The following GMFB variants were observed in gnomAD, a reference collection of about 807,000 sequenced individuals.
GMFB encodes GMF-beta.
A neutral mutation model predicts 25.6 loss-of-function variants in GMFB; 13 were observed. The observed-to-expected ratio is 0.51, with a 90% CI of 0.33 to 0.81. GMFB has a LOEUF of 0.81. GMFB is among the 30% of genes least tolerant of loss of function. The pLI is 0.02. For synonymous variants in GMFB, 57 were observed against 56.9 expected, an observed-to-expected ratio of 1.00 and a Z score of 0.00; for missense variants, 146 against 175.4, an observed-to-expected ratio of 0.83 and a Z score of 0.95.
At position 54,477,347 on chromosome 14, in the gene GMFB, TTATAAA is replaced by T. The variant is rs1454811588; in HGVS notation, c.*735_*740del. 1 of 152,442 alleles carries T rather than the reference TTATAAA, an allele frequency of 6.6e-6. No homozygotes were observed. Among genetic ancestry groups the T allele is most frequent in the Admixed American group, 6.6e-5 (1 of 15,258 alleles). The allele number at this position is 152,442 out of a possible 1,614,324, so 9.4% of individuals were successfully genotyped here. The stretch of plus-strand genomic sequence containing the variant: ...AGTGTTCACAGGACATTGAGGTGCT[TTATAAA>T]TAAAGTGTTATTAACCTAGATTCAA... On this transcript the variant is annotated 3_prime_UTR_variant, in exon 7 of 7. Transcript: ENST00000358056.
In GMFB at chr14:54,481,242, C is replaced by T. The variant is rs976373972; in HGVS notation, c.200+167G>A. 7.3e-5 allele frequency: 43 copies of T among 591,862 alleles called. No individual in the cohort carries two copies. The East Asian group carries it at 1.0e-3, about 14-fold the overall frequency. The allele number at this position is 591,862 out of a possible 1,614,324, so 36.7% of individuals were successfully genotyped here. ...TTTAAAAAGAAAATTATTCATCCCACGAATAAACCAACTTTTCATTTTTCT... is the reference window on the plus strand; with the variant it reads ...TTTAAAAAGAAAATTATTCATCCCATGAATAAACCAACTTTTCATTTTTCT... On this transcript the variant is annotated intron_variant, in intron 4 of 6. Coordinates refer to ENST00000358056, the MANE Select transcript of GMFB (RefSeq NM_004124.3).
intron 1 of GMFB, chr14:54,488,693 G>A (rs995440806): frequency 2.5e-4 from 120 of 485,192 alleles, no homozygotes; most frequent in African/African-American, 2.4e-3. Context: ...CTAGTCCCAT[G>A]GCCCGCTGGG....
chr14:54,487,572 G>C (rs2031804458), intron 1 of GMFB, among the ~76,000 whole-genome samples: 1 of 152,164 alleles, frequency 6.6e-6, no homozygotes, highest in Non-Finnish European at 1.5e-5. Flanking sequence ...AATTAGCCGG[G>C]CGTGGTGGCA....
intron 1 of GMFB, among the ~76,000 whole-genome samples, chr14:54,486,996 G>A (rs2140036868): frequency 6.6e-6 from 1 of 152,316 alleles, no homozygotes; most frequent in South Asian, 2.1e-4. Flanking sequence ...TAGGTTTGAG[G>A]AGAAAGGGCA....
In GMFB at chr14:54,483,772, A is replaced by T; in HGVS notation, c.4-5T>A. The T allele has an allele frequency of 6.5e-7, 1 of 1,531,014 alleles. No homozygotes were observed. The highest frequency in any genetic ancestry group is 9.0e-7 in the Non-Finnish European group (1 of 1,108,088). The allele number at this position is 1,531,014 out of a possible 1,614,324, so 94.8% of individuals were successfully genotyped here. ...ACAAACAACCAAAGACTCACTCTAT[A>T]AAAGAAAAAAAACACACATAAAATG... is the stretch of plus-strand genomic sequence containing the variant. On this transcript the variant is annotated splice_polypyrimidine_tract_variant and splice_region_variant and intron_variant, in intron 1 of 6. Coordinates refer to ENST00000358056, the MANE Select transcript of GMFB (RefSeq NM_004124.3).
intron 4 of GMFB, 104 bp downstream of exon 4, chr14:54,481,305 C>T: frequency 1.3e-6 from 1 of 786,242 alleles, no homozygotes; most frequent in Non-Finnish European, 2.2e-6. Flanking sequence ...ATTTGGCTGT[C>T]ATCATGACAC....
In GMFB at chr14:54,475,038, C is replaced by T. The variant is rs2031618053; in HGVS notation, c.*3050G>A. 1 of 152,468 alleles carries T rather than the reference C, an allele frequency of 6.6e-6. No homozygotes were observed. The highest frequency in any genetic ancestry group is 1.5e-5 in the Non-Finnish European group (1 of 67,978). 9.4% of individuals were successfully genotyped at this position (152,468 alleles called of 1,614,324 possible). ...ATTCCAGTATTATCAGTCTATTGAACAAATAGGGAAAGCAACCATAGTAAG... is the reference window on the plus strand; with the variant it reads ...ATTCCAGTATTATCAGTCTATTGAATAAATAGGGAAAGCAACCATAGTAAG... On this transcript the variant is annotated 3_prime_UTR_variant, in exon 7 of 7. Coordinates refer to ENST00000358056, the MANE Select transcript of GMFB (RefSeq NM_004124.3).
chr14:54,485,876 G>A (rs143651532), intron 1 of GMFB, among the ~76,000 whole-genome samples: 491 of 152,290 alleles, frequency 3.2e-3, no homozygotes, highest in African/African-American at 0.011. Flanking sequence ...TTTGGACAAT[G>A]ATGCCAAAAA....
chr14:54,478,934 T>G (rs1365038699), intron 6 of GMFB: 1 of 152,162 alleles, frequency 6.6e-6, no homozygotes, highest in East Asian at 1.9e-4. Context: ...CTTGAGGCCG[T>G]TAACAGCTCC....
intron 2 of GMFB, 84 bp from the exon 3 acceptor site, chr14:54,482,286 T>C (rs936080042): frequency 1.7e-5 from 14 of 812,012 alleles, no homozygotes; most frequent in African/African-American, 3.5e-5. Context: ...GCCTTTTTTT[T>C]CGGACATCTA....
At chr14:54,479,521 T>C (rs1433436483) in intron 6 of GMFB, 5 of 351,444 alleles carry the variant, frequency 1.4e-5, no homozygotes, top group Non-Finnish European at 2.1e-5. Flanking sequence ...TAACTCTCAA[T>C]AGATTTAATA....
chr14:54,476,399 G>A lies in GMFB; in HGVS notation c.*1689C>T, dbSNP rs2031641043. On this transcript the variant is annotated 3_prime_UTR_variant, in exon 7 of 7. Coordinates refer to ENST00000358056, the MANE Select transcript of GMFB (RefSeq NM_004124.3). ...ATTAAAAACACTCTCCACTCACTTG[G>A]ATTACATGTGCATTCCTACAGAATT... is the stretch of plus-strand genomic sequence containing the variant. 6.6e-6 allele frequency: 1 copy of A among 151,932 alleles called. No homozygotes were observed. Among genetic ancestry groups the A allele is most frequent in the Admixed American group, 6.6e-5 (1 of 15,232 alleles). 9.4% of individuals were successfully genotyped at this position (151,932 alleles called of 1,614,324 possible).
chr14:54,483,783 A>C lies in GMFB; in HGVS notation c.4-16T>G, dbSNP rs1449556996. On this transcript the variant is annotated splice_polypyrimidine_tract_variant and intron_variant, in intron 1 of 6. Coordinates refer to ENST00000358056, the MANE Select transcript of GMFB (RefSeq NM_004124.3). ...AAGACTCACTCTATAAAAGAAAAAA[A>C]ACACACATAAAATGCCATGACTTCA... is the stretch of plus-strand genomic sequence containing the variant. The C allele has an allele frequency of 1.4e-6, 2 of 1,424,976 alleles. No homozygotes were observed. The highest frequency in any genetic ancestry group is 2.0e-6 in the Non-Finnish European group (2 of 1,012,224). The allele number at this position is 1,424,976 out of a possible 1,614,324, so 88.3% of individuals were successfully genotyped here.
rs1566497081 is a variant in GMFB at position 54,480,851 on chromosome 14, GTTAT to G, written c.283+19_283+22del. The G allele has an allele frequency of 8.3e-7, 1 of 1,198,914 alleles. No individual in the cohort carries two copies. Among genetic ancestry groups the G allele is most frequent in the Non-Finnish European group, 1.2e-6 (1 of 819,284 alleles). 74.3% of individuals were successfully genotyped at this position (1,198,914 alleles called of 1,614,324 possible). ...TTAATTGGATCTAAGCCAAATATGT[GTTAT>G]TTAAAGAAATTCACTTACCAACAGG... On this transcript the variant is annotated intron_variant, in intron 5 of 6. Transcript: ENST00000358056.
rs1342310401 is a variant in GMFB at position 54,475,313 on chromosome 14, G to GA, written c.*2774dup. 1 of 152,412 alleles carries GA rather than the reference G, an allele frequency of 6.6e-6. No homozygotes were observed. Among genetic ancestry groups the GA allele is most frequent in the Non-Finnish European group, 1.5e-5 (1 of 67,944 alleles). 9.4% of individuals were successfully genotyped at this position (152,412 alleles called of 1,614,324 possible). ...ATTTTTAGCTAAAGTGTCAGACAAG[G>GA]ATACAGTTTATGGCTACATTTGACT... On this transcript the variant is annotated 3_prime_UTR_variant, in exon 7 of 7. Coordinates refer to ENST00000358056, the MANE Select transcript of GMFB (RefSeq NM_004124.3).
chr14:54,480,793 A>G (rs1256859918), intron 5 of GMFB, 81 bp downstream of exon 5: 1 of 729,834 alleles, frequency 1.4e-6, no homozygotes, highest in African/African-American at 1.8e-5. Flanking sequence ...TCATCTTTAA[A>G]AACAGCAGAA....
At position 54,478,123 on chromosome 14, in the gene GMFB, C is replaced by T; in HGVS notation, c.394G>A (p.Glu132Lys). Residue 132 changes from glutamate to lysine, a missense_variant, in exon 7 of 7, where the codon GAA (glutamate) becomes AAA (lysine). Glu to Lys is a moderately conservative substitution (Grantham distance 56). Transcript: ENST00000358056. The stretch of plus-strand genomic sequence containing the variant: ...AATCCAAGTTTCTCACGTAACCATT[C>T]TTCAGTTAGGTCTTCGGTATTTCTT... The part of the protein sequence containing the change: ...EIRNTEDLTE[E>K]WLREKLGFFH 1 of 1,452,612 alleles carries T rather than the reference C, an allele frequency of 6.9e-7. No homozygotes were observed. The highest frequency in any genetic ancestry group is 9.3e-7 in the Non-Finnish European group (1 of 1,075,500). The allele number at this position is 1,452,612 out of a possible 1,614,324, so 90.0% of individuals were successfully genotyped here.
Position 54,483,358 on chromosome 14 carries a change from C to T in GMFB, c.100+313G>A, listed in dbSNP as rs568033762. On this transcript the variant is annotated intron_variant, in intron 2 of 6. Transcript: ENST00000358056. ...GATGAATGGCCAGGCTATTTTTAGT[C>T]CCCCAAGAAGGATGGGTTGGATGGG... is the stretch of plus-strand genomic sequence containing the variant. 1.6e-4 allele frequency: 38 copies of T among 239,174 alleles called. No homozygotes were observed. The Admixed American group carries it at 1.9e-3, about 12-fold the overall frequency. The allele number at this position is 239,174 out of a possible 1,614,324, so 14.8% of individuals were successfully genotyped here. A position where few individuals can be genotyped will look rare whatever the true frequency, so the allele number is the denominator to read the frequency against.
In GMFB at chr14:54,479,849, A is replaced by T; in HGVS notation, c.294T>A (p.Pro98=). 6.3e-7 allele frequency: 1 copy of T among 1,597,160 alleles called. No homozygotes were observed. Among genetic ancestry groups the T allele is most frequent in the Non-Finnish European group, 8.6e-7 (1 of 1,164,998 alleles). The change falls in exon 6 of 7, where the codon CCT becomes CCA. Residue 98 remains proline, a synonymous_variant. Transcript: ENST00000358056. ...FIFSSPVGCK[P]EQQMMYAGSK... Reference sequence around the variant, plus strand: ...TTCCAGCATACATCATCTGTTGTTCAGGCTTACATCCTGGAAAAGAGAGAT... The same window carrying T: ...TTCCAGCATACATCATCTGTTGTTCTGGCTTACATCCTGGAAAAGAGAGAT...
Sources: gnomAD v4.1 joint callset for allele counts (sites outside exome capture counted in the v4.1 genomes callset) on GRCh38, gnomAD v4.1.1 for gene constraint, MANE v1.5 for transcripts, NCBI Gene and HGNC (gene_info 2026-07-23, HGNC 2026-07-21) for gene names.